ELMO1: variants seen among roughly 807,000 people sequenced by gnomAD.
The protein encoded by ELMO1 is engulfment and cell motility protein 1.
ELMO1 carries 26 observed loss-of-function variants against 98.9 expected under a neutral mutation model. The ratio of observed to expected loss-of-function variants is 0.26; its 90% CI spans 0.19 to 0.36. ELMO1 has a LOEUF of 0.36. Ranked by LOEUF, ELMO1 falls within the 10% of genes least tolerant of loss-of-function variation. ELMO1 has a pLI of 1.00. For synonymous variants in ELMO1, 346 were observed against 346.0 expected (o/e 1.00, Z 0.00); for missense variants, 627 against 935.2 (o/e 0.67, Z 4.30).
intron 16 of ELMO1, among the ~76,000 whole-genome samples, chr7:36,982,700 AT>A (rs953704145): frequency 8.5e-4 from 129 of 152,274 alleles, no homozygotes; most frequent in African/African-American, 2.9e-3. Flanking sequence ...AATCTTGCTT[AT>A]TTTTTTATGT....
At chr7:37,336,783 T>C (rs992108198) in intron 2 of ELMO1, among the ~76,000 whole-genome samples, 9 of 152,162 alleles carry the variant, frequency 5.9e-5, no homozygotes, top group Non-Finnish European at 1.3e-4. Flanking sequence ...TTGTTGTTCA[T>C]GCAAATATTA....
In ELMO1 at chr7:37,389,415, T is replaced by C. The variant is rs545264025; in HGVS notation, c.-73-46652A>G. ...TTTTTGTTAAGCAGTCTTGGTAATG[T>C]TTTTAAAAGTCTATTTTAAAAAGTT... On this transcript the variant is annotated intron_variant, in intron 1 of 21. Coordinates refer to ENST00000310758, the MANE Select transcript of ELMO1 (RefSeq NM_014800.11). Among the ~76,000 whole-genome samples the C allele has an allele frequency of 4.6e-5, 7 of 152,340 alleles. No individual in the cohort carries two copies. The South Asian group carries it at 1.4e-3, about 32-fold the overall frequency.
chr7:37,111,138 T>C (rs955393886), intron 14 of ELMO1, among the ~76,000 whole-genome samples: 2 of 152,206 alleles, frequency 1.3e-5, no homozygotes, highest in African/African-American at 2.4e-5. Flanking sequence ...TCCTTGGGGC[T>C]CTTGGTCCAG....
At chr7:37,397,028 A>G (rs886251492) in intron 1 of ELMO1, among the ~76,000 whole-genome samples, 1 of 152,202 alleles carries the variant, frequency 6.6e-6, no homozygotes, top group African/African-American at 2.4e-5. Context: ...CCAAAGAGAG[A>G]CTGAGGTAGA....
At chr7:37,211,122 C>T (rs2241169) in intron 13 of ELMO1, 85,028 of 361,106 alleles carry the variant, frequency 0.24, 10,864 homozygotes, top group African/African-American at 0.3. Flanking sequence ...AGATACATTC[C>T]GGGCTAACTA....
intron 15 of ELMO1, among the ~76,000 whole-genome samples, chr7:37,051,167 T>G (rs188044250): frequency 6.6e-6 from 1 of 152,324 alleles, no homozygotes; most frequent in East Asian, 1.9e-4. Flanking sequence ...TGGAAAGAAC[T>G]GCAGTGCTAG....
Position 37,294,355 on chromosome 7 carries a change from TAA to T in ELMO1, c.192+20493_192+20494del, listed in dbSNP as rs11301331. Among the ~76,000 whole-genome samples, 203 of 142,696 alleles carry T rather than the reference TAA, an allele frequency of 1.4e-3. 3 individuals carry two copies. Among genetic ancestry groups the T allele is most frequent in the Non-Finnish European group, 1.5e-3 (96 of 65,710 alleles). 93.6% of individuals were successfully genotyped at this position (142,696 alleles called of 152,430 possible). Reference sequence around the variant, plus strand: ...CTAGGTGACTGAGCGAGAAGCCATTTAAAAAAAAAAAAAAAAGGACAGGAGAA... The same window carrying T: ...CTAGGTGACTGAGCGAGAAGCCATTTAAAAAAAAAAAAAAGGACAGGAGAA... On this transcript the variant is annotated intron_variant, in intron 4 of 21. Transcript: ENST00000310758.
At chr7:36,882,669 C>G (rs1405303321) in intron 18 of ELMO1, among the ~76,000 whole-genome samples, 1 of 152,200 alleles carries the variant, frequency 6.6e-6, no homozygotes, top group East Asian at 1.9e-4. Context: ...GCTGCGGGGC[C>G]TTGGCCTAAT....
intron 13 of ELMO1, chr7:37,204,368 C>T (rs1792483076): frequency 1.0e-5 from 4 of 387,926 alleles, no homozygotes; most frequent in East Asian, 1.5e-4. Context: ...TGCAGACCTT[C>T]GCGGTGAGTG....
At chr7:37,321,716 CAA>C (rs565421716) in intron 2 of ELMO1, among the ~76,000 whole-genome samples, 20 of 66,088 alleles carry the variant, frequency 3.0e-4, no homozygotes, top group East Asian at 2.8e-3. Context: ...GACTCCGTCT[CAA>C]AAAAAAAAAA....
chr7:37,387,489 G>T (rs1583667296), intron 1 of ELMO1, among the ~76,000 whole-genome samples: 1 of 152,156 alleles, frequency 6.6e-6, no homozygotes, highest in Non-Finnish European at 1.5e-5. Context: ...ATTAGGGGCC[G>T]ACCCTACTCC....
At chr7:37,379,611 T>C (rs1802503406) in intron 1 of ELMO1, among the ~76,000 whole-genome samples, 1 of 152,162 alleles carries the variant, frequency 6.6e-6, no homozygotes, top group South Asian at 2.1e-4. Flanking sequence ...ATCTGAGAGA[T>C]CAAAACAGAT....
At chr7:37,220,999 G>A (rs912979812) in intron 10 of ELMO1, among the ~76,000 whole-genome samples, 8 of 152,072 alleles carry the variant, frequency 5.3e-5, no homozygotes, top group Non-Finnish European at 1.0e-4. Flanking sequence ...GACAACTTCC[G>A]GGCTGCTTGG....
chr7:37,122,912 G>T (rs1418526485), intron 14 of ELMO1, among the ~76,000 whole-genome samples: 1 of 152,134 alleles, frequency 6.6e-6, no homozygotes, highest in Non-Finnish European at 1.5e-5. Flanking sequence ...AAATGTAAAA[G>T]AACATAAATT....
At chr7:37,420,502 T>C (rs1014402316) in intron 1 of ELMO1, among the ~76,000 whole-genome samples, 3 of 152,200 alleles carry the variant, frequency 2.0e-5, no homozygotes, top group African/African-American at 4.8e-5. Context: ...GGAAGAACAT[T>C]TGAGGCTGTG....
intron 15 of ELMO1, among the ~76,000 whole-genome samples, chr7:37,086,912 GT>G (rs1783820837): frequency 6.6e-6 from 1 of 151,628 alleles, no homozygotes; most frequent in South Asian, 2.1e-4. Flanking sequence ...ATATGAGCCT[GT>G]CCACTAATGT....
At chr7:37,151,840 T>C (rs1788383474) in intron 13 of ELMO1, among the ~76,000 whole-genome samples, 1 of 152,058 alleles carries the variant, frequency 6.6e-6, no homozygotes, top group Admixed American at 6.6e-5. Context: ...CGAGGAGAAA[T>C]TTTCCACTCT....
At chr7:37,415,656 G>A (rs998361870) in intron 1 of ELMO1, among the ~76,000 whole-genome samples, 2 of 152,186 alleles carry the variant, frequency 1.3e-5, no homozygotes, top group African/African-American at 4.8e-5. Context: ...TGCTGTGATT[G>A]TAATATCTGC....
chr7:37,446,564 A>C (rs1805626714), intron 1 of ELMO1, among the ~76,000 whole-genome samples: 1 of 152,198 alleles, frequency 6.6e-6, no homozygotes, highest in African/African-American at 2.4e-5. Context: ...GAGAGAACTC[A>C]GTGAAAAAGA....
Sources: gnomAD v4.1 joint callset for allele counts (sites outside exome capture counted in the v4.1 genomes callset) on GRCh38, gnomAD v4.1.1 for gene constraint, MANE v1.5 for transcripts, NCBI Gene and HGNC (gene_info 2026-07-23, HGNC 2026-07-21) for gene names.